Variants in UTY observed in about 807,000 individuals in gnomAD.
UTY encodes ubiquitously transcribed tetratricopeptide repeat containing, Y-linked, also known as histone demethylase UTY.
UTY carries 12 observed loss-of-function variants against 32.5 expected under a neutral mutation model. The observed-to-expected ratio is 0.37, with a 90% confidence interval of 0.24 to 0.60. The LOEUF (loss-of-function observed/expected upper bound fraction) is 0.60. UTY is among the 20% of genes least tolerant of loss of function. The pLI is 0.69. For synonymous variants in UTY, 131 were observed against 103.4 expected, an observed-to-expected ratio of 1.27 and a Z score of -1.62; for missense variants, 303 against 299.2, an observed-to-expected ratio of 1.01 and a Z score of -0.09.
At chrY:13,265,535 GCTCT>G (rs1603270397) in intron 27 of UTY, among the ~76,000 whole-genome samples, 215 of 33,214 alleles carry the variant, frequency 6.5e-3, no homozygotes, top group Admixed American at 0.016. Context: ...TCATGATTTG[GCTCT>G]CTATTACTGG....
chrY:13,418,764 T>G, intron 4 of UTY, among the ~76,000 whole-genome samples: 1 of 33,776 alleles, frequency 3.0e-5, no homozygotes, highest in Non-Finnish European at 7.3e-5. Context: ...CATTTTTAGG[T>G]TTTTAGACGT....
chrY:13,271,859 TAA>T (rs2056315240), intron 27 of UTY, among the ~76,000 whole-genome samples: 1 of 33,489 alleles, frequency 3.0e-5, no homozygotes, highest in African/African-American at 1.2e-4. Context: ...GCCATAAAAA[TAA>T]AAGAGGGAAA....
At chrY:13,310,072 C>A in intron 21 of UTY, among the ~76,000 whole-genome samples, 1 of 29,856 alleles carries the variant, frequency 3.3e-5, no homozygotes, top group Admixed American at 3.2e-4. Context: ...AAAAATTAGC[C>A]AGGAGTGGTG....
chrY:13,274,578 G>A, intron 27 of UTY, among the ~76,000 whole-genome samples: 5 of 31,630 alleles, frequency 1.6e-4, no homozygotes, highest in Non-Finnish European at 3.8e-4. Flanking sequence ...TTGGGAGTTC[G>A]AGACCAGCCT....
At chrY:13,441,703 C>T (rs112395592) in intron 4 of UTY, among the ~76,000 whole-genome samples, 2,417 of 33,687 alleles carry the variant, frequency 0.072, no homozygotes, top group Non-Finnish European at 0.11. Context: ...CTTTAAATCA[C>T]TCTTGGTATC....
At chrY:13,262,426 C>CT (rs2055340108) in intron 27 of UTY, among the ~76,000 whole-genome samples, 255 of 32,543 alleles carry the variant, frequency 7.8e-3, no homozygotes, top group African/African-American at 0.028. Flanking sequence ...CTCTCTTCTG[C>CT]TCACCATCTG....
At chrY:13,240,311 A>G (rs2053886591) in intron 28 of UTY, among the ~76,000 whole-genome samples, 1 of 33,000 alleles carries the variant, frequency 3.0e-5, no homozygotes, top group Non-Finnish European at 7.5e-5. Flanking sequence ...ATAATGATAA[A>G]GGAATCAATC....
intron 27 of UTY, among the ~76,000 whole-genome samples, chrY:13,293,823 ACAAT>A (rs2057887500): frequency 6.0e-5 from 2 of 33,605 alleles, no homozygotes; most frequent in Non-Finnish European, 1.5e-4. Flanking sequence ...AATGAAGAAA[ACAAT>A]CCATTCATAG....
intron 27 of UTY, among the ~76,000 whole-genome samples, chrY:13,273,636 T>C: frequency 3.2e-5 from 1 of 31,429 alleles, no homozygotes; most frequent in Non-Finnish European, 7.8e-5. Context: ...AAATCAAGAG[T>C]AGAAATCTTT....
At position 13,356,009 on chromosome Y, in the gene UTY, G is replaced by T. The variant is rs1250201208; in HGVS notation, c.1579C>A (p.Gln527Lys). The change falls in exon 16 of 30, where the codon CAA becomes AAA. Residue 527 changes from glutamine (Q) to lysine (K), a missense_variant. Transcript: ENST00000545955. Reference protein sequence around the residue: ...LTPQKLQHLEQLRANRDNLNP... With the variant: ...LTPQKLQHLEKLRANRDNLNP... ...AAATTATCTCTATTTGCTCGCAGTTGTTCCAAGTGCTAGAAGAAAAGAGAT... is the reference window on the plus strand; with the variant it reads ...AAATTATCTCTATTTGCTCGCAGTTTTTCCAAGTGCTAGAAGAAAAGAGAT... 3 of 380,807 alleles carry T rather than the reference G, an allele frequency of 7.9e-6. No homozygotes were observed. The Admixed American group carries it at 2.6e-4, about 33-fold the overall frequency. The allele number at this position is 380,807 out of a possible 400,897, so 95.0% of individuals were successfully genotyped here.
chrY:13,478,398 G>A, intron 2 of UTY, among the ~76,000 whole-genome samples: 1 of 33,417 alleles, frequency 3.0e-5, no homozygotes, highest in African/African-American at 1.2e-4. Context: ...TGTCAATGTT[G>A]GAGATAACGC....
intron 4 of UTY, among the ~76,000 whole-genome samples, chrY:13,428,785 A>T: frequency 2.9e-5 from 1 of 33,977 alleles, no homozygotes; most frequent in East Asian, 7.7e-4. Flanking sequence ...GCAGTTAGTC[A>T]TTTTAACAAT....
chrY:13,479,565 T>G lies in UTY; in HGVS notation c.101A>C (p.Glu34Ala), dbSNP rs9341273. 38 of 396,311 alleles carry G rather than the reference T, an allele frequency of 9.6e-5. No homozygotes were observed. Among genetic ancestry groups the G allele is most frequent in the East Asian group, 6.5e-4 (7 of 10,709 alleles). The change falls in exon 1 of 30, where the codon GAG (glutamate) becomes GCG (alanine). Residue 34 changes from glutamate (E) to alanine (A), a missense_variant. Transcript: ENST00000545955. The stretch of plus-strand genomic sequence containing the variant: ...TTCCTCGACTGTCAGGCTAACAGAC[T>G]CCTCTTCACTCTCGCGGCTCGCTTT... Reference protein sequence around the residue: ...EGKASRESEEESVSLTVEERE... With the variant: ...EGKASRESEEASVSLTVEERE...
chrY:13,340,182 AAGTGTAATTCAAAG>A (rs2061396381), intron 17 of UTY, among the ~76,000 whole-genome samples: 1 of 32,429 alleles, frequency 3.1e-5, no homozygotes, highest in Non-Finnish European at 7.6e-5. Context: ...ACTCCTGGCT[AAGTGTAATTCAAAG>A]TCACACTAAG....
At chrY:13,387,895 C>T (rs2067073388) in intron 8 of UTY, among the ~76,000 whole-genome samples, 1 of 33,924 alleles carries the variant, frequency 2.9e-5, no homozygotes, top group Non-Finnish European at 7.3e-5. Context: ...GGTAAAATTT[C>T]ATCATTTATG....
At chrY:13,308,943 G>T (rs1019169699) in intron 21 of UTY, among the ~76,000 whole-genome samples, 1 of 32,841 alleles carries the variant, frequency 3.0e-5, no homozygotes, top group Admixed American at 2.8e-4. Flanking sequence ...CAGTCAAAAA[G>T]ACATGATATC....
chrY:13,284,970 C>T, intron 27 of UTY, among the ~76,000 whole-genome samples: 2 of 34,361 alleles, frequency 5.8e-5, no homozygotes, highest in African/African-American at 2.3e-4. Flanking sequence ...CAGAATTCTA[C>T]AGCCTGGAGT....
intron 27 of UTY, among the ~76,000 whole-genome samples, chrY:13,267,997 T>C (rs900774346): frequency 3.1e-5 from 1 of 32,273 alleles, no homozygotes; most frequent in Non-Finnish European, 7.5e-5. Context: ...GATGATTATG[T>C]GTCTTGGGGT....
chrY:13,338,497 C>T, intron 17 of UTY, among the ~76,000 whole-genome samples: 1 of 26,129 alleles, frequency 3.8e-5, no homozygotes, highest in Non-Finnish European at 8.7e-5. Context: ...GCCTGGGTGA[C>T]GGAGCAAGAC....
Sources: allele counts gnomAD v4.1 joint callset (sites outside exome capture counted in the v4.1 genomes callset), GRCh38; gene constraint gnomAD v4.1.1; transcripts MANE v1.5; gene names NCBI Gene and HGNC (gene_info 2026-07-23, HGNC 2026-07-21).